THSD7A: variants seen among roughly 807,000 people sequenced by gnomAD.
THSD7A encodes the protein thrombospondin type-1 domain-containing protein 7A.
A neutral mutation model predicts 231.3 loss-of-function variants in THSD7A; 96 were observed. That is an observed-to-expected ratio of 0.41 (90% CI 0.35 to 0.49). THSD7A has a LOEUF of 0.49. THSD7A is among the 20% of genes least tolerant of loss of function. The pLI, the probability that THSD7A is intolerant of heterozygous loss-of-function variation, is 0.05. For missense variants in THSD7A, 2,290 were observed against 2,070.2 expected, an observed-to-expected ratio of 1.11 and a Z score of -2.06; for synonymous variants, 940 against 743.3, an observed-to-expected ratio of 1.26 and a Z score of -4.30.
chr7:11,800,347 G>C (rs1784241139), intron 1 of THSD7A, among the ~76,000 whole-genome samples: 1 of 152,138 alleles, frequency 6.6e-6, no homozygotes, highest in Non-Finnish European at 1.5e-5. Context: ...TCAGGAGTTT[G>C]AGACCAGACT....
intron 6 of THSD7A, among the ~76,000 whole-genome samples, chr7:11,509,040 G>A (rs1787680039): frequency 6.6e-6 from 1 of 152,000 alleles, no homozygotes; most frequent in Non-Finnish European, 1.5e-5. Flanking sequence ...CAAGAATAAT[G>A]TATTATATGC....
chr7:11,398,794 C>G (rs1486418186), intron 23 of THSD7A, among the ~76,000 whole-genome samples: 3 of 152,132 alleles, frequency 2.0e-5, no homozygotes, highest in African/African-American at 4.8e-5. Context: ...GCAGCCAGCC[C>G]TGATCAGTGA....
intron 1 of THSD7A, among the ~76,000 whole-genome samples, chr7:11,720,754 T>G (rs2128152874): frequency 6.6e-6 from 1 of 151,848 alleles, no homozygotes; most frequent in African/African-American, 2.4e-5. Context: ...TCTCAGGCCT[T>G]ATTTGCTTGA....
At chr7:11,745,203 A>G (rs4486080) in intron 1 of THSD7A, among the ~76,000 whole-genome samples, 36,710 of 151,438 alleles carry the variant, frequency 0.24, 6,887 homozygotes, top group African/African-American at 0.53. Context: ...GTGATGATGA[A>G]CATTTTTTCA....
chr7:11,736,869 G>A (rs914303292), intron 1 of THSD7A, among the ~76,000 whole-genome samples: 2 of 151,984 alleles, frequency 1.3e-5, no homozygotes, highest in African/African-American at 4.8e-5. Flanking sequence ...GGAAGGATCT[G>A]GTGGGAGATA....
intron 11 of THSD7A, among the ~76,000 whole-genome samples, chr7:11,453,627 C>T (rs1785214125): frequency 6.6e-6 from 1 of 151,880 alleles, no homozygotes; most frequent in South Asian, 2.1e-4. Flanking sequence ...AACTCTAGTT[C>T]CATCTAATCT....
chr7:11,410,878 A>G (rs1378618452), intron 19 of THSD7A, among the ~76,000 whole-genome samples: 2 of 152,088 alleles, frequency 1.3e-5, no homozygotes, highest in Non-Finnish European at 2.9e-5. Flanking sequence ...GCACTACACA[A>G]AATTCACATC....
chr7:11,483,775 AG>A (rs1786529145), intron 6 of THSD7A, among the ~76,000 whole-genome samples: 1 of 152,120 alleles, frequency 6.6e-6, no homozygotes, highest in African/African-American at 2.4e-5. Context: ...AAGCAAGAAA[AG>A]TTTGGGGCTA....
In THSD7A at chr7:11,477,452, AG is replaced by A. The variant is rs1321553821; in HGVS notation, c.2018-2885del. Among the ~76,000 whole-genome samples the A allele has an allele frequency of 2.6e-5, 4 of 152,302 alleles. No homozygotes were observed. In the East Asian group the frequency reaches 7.7e-4, roughly 29 times the overall value. ...AATGCTAACTTTGGTCACCAGATTA[AG>A]GGGGTGTCTGTCAGACTTCTCTATT... On this transcript the variant is annotated intron_variant, in intron 7 of 27. Coordinates refer to ENST00000423059, the MANE Select transcript of THSD7A (RefSeq NM_015204.3).
chr7:11,771,677 C>A (rs1486090850), intron 1 of THSD7A, among the ~76,000 whole-genome samples: 2 of 151,378 alleles, frequency 1.3e-5, no homozygotes, highest in African/African-American at 2.4e-5. Flanking sequence ...AAAAAGCATA[C>A]GAAAAAATAC....
In THSD7A at chr7:11,375,177, G is replaced by C. The variant is rs1444508671; in HGVS notation, c.*617C>G. 6.6e-6 allele frequency: 1 copy of C among 151,908 alleles called. No individual in the cohort carries two copies. Among genetic ancestry groups the C allele is most frequent in the Non-Finnish European group, 1.5e-5 (1 of 67,944 alleles). The allele number at this position is 151,908 out of a possible 1,614,324, so 9.4% of individuals were successfully genotyped here. A position where few individuals can be genotyped will look rare whatever the true frequency, so the allele number is the denominator to read the frequency against. On this transcript the variant is annotated 3_prime_UTR_variant, in exon 28 of 28. Transcript: ENST00000423059. ...TTGTCCAGCATTCTTACTTTGGAGA[G>C]AGACAAGAAGTCTTAAAAAAGAGGC...
intron 1 of THSD7A, among the ~76,000 whole-genome samples, chr7:11,828,738 T>C (rs985585883): frequency 6.6e-6 from 1 of 152,088 alleles, no homozygotes; most frequent in Non-Finnish European, 1.5e-5. Flanking sequence ...GATAGATAGA[T>C]AGATATTTAA....
chr7:11,695,942 G>T (rs1270244205), intron 1 of THSD7A, among the ~76,000 whole-genome samples: 1 of 151,450 alleles, frequency 6.6e-6, no homozygotes, highest in Non-Finnish European at 1.5e-5. Context: ...AGTGGCCCAT[G>T]GTAAATGATA....
intron 1 of THSD7A, among the ~76,000 whole-genome samples, chr7:11,643,525 T>G (rs1375475356): frequency 6.6e-6 from 1 of 152,018 alleles, no homozygotes; most frequent in Non-Finnish European, 1.5e-5. Flanking sequence ...GTGCTACCAA[T>G]TAATTGTTCT....
chr7:11,437,749 C>A (rs989976388), intron 13 of THSD7A, among the ~76,000 whole-genome samples: 1 of 152,016 alleles, frequency 6.6e-6, no homozygotes, highest in Non-Finnish European at 1.5e-5. Context: ...TGATAAGGAA[C>A]AATTTCTCAT....
intron 6 of THSD7A, among the ~76,000 whole-genome samples, chr7:11,488,556 C>T (rs1268022877): frequency 1.3e-5 from 2 of 151,906 alleles, no homozygotes; most frequent in Non-Finnish European, 2.9e-5. Flanking sequence ...AATTTTAATC[C>T]CTGCATTATT....
At chr7:11,676,010 G>A (rs780389571) in intron 1 of THSD7A, among the ~76,000 whole-genome samples, 17 of 152,196 alleles carry the variant, frequency 1.1e-4, no homozygotes, top group East Asian at 3.9e-4. Flanking sequence ...CCTCATACAA[G>A]AGAGCCCTGG....
intron 2 of THSD7A, among the ~76,000 whole-genome samples, chr7:11,630,144 C>A (rs1781602587): frequency 6.6e-6 from 1 of 152,134 alleles, no homozygotes; most frequent in African/African-American, 2.4e-5. Flanking sequence ...TTTGATATCA[C>A]CATTCTGGAA....
intron 26 of THSD7A, chr7:11,378,749 A>G (rs1344965734): frequency 3.4e-6 from 1 of 297,538 alleles, no homozygotes; most frequent in East Asian, 7.9e-5. Flanking sequence ...ATGACAACAC[A>G]TTTTTTAAAA....
Sources: gnomAD v4.1 joint callset for allele counts (sites outside exome capture counted in the v4.1 genomes callset) on GRCh38, gnomAD v4.1.1 for gene constraint, MANE v1.5 for transcripts, NCBI Gene and HGNC (gene_info 2026-07-23, HGNC 2026-07-21) for gene names.